GTSE1: variants seen among roughly 807,000 people sequenced by gnomAD.
GTSE1 encodes G2 and S phase-expressed protein 1.
In GTSE1, 52 loss-of-function variants were observed where a neutral mutation model predicts 60.5. The ratio of observed to expected loss-of-function variants is 0.86; its 90% CI spans 0.69 to 1.08. GTSE1 has a LOEUF of 1.08. GTSE1 is among the 50% of genes least tolerant of loss of function. GTSE1 has a pLI of 0.00. For missense variants in GTSE1, 937 were observed against 961.8 expected, an observed-to-expected ratio of 0.97 and a Z score of 0.34; for synonymous variants, 368 against 386.5, an observed-to-expected ratio of 0.95 and a Z score of 0.56.
Position 46,329,005 on chromosome 22 carries a change from G to A in GTSE1, c.1926+116G>A. 2 of 828,512 alleles carry A rather than the reference G, an allele frequency of 2.4e-6. No individual in the cohort carries two copies. Among genetic ancestry groups the A allele is most frequent in the South Asian group, 1.6e-5 (1 of 62,644 alleles). 51.3% of individuals were successfully genotyped at this position (828,512 alleles called of 1,614,324 possible). ...AGTTCCCTGCCATGCTTCATCCTGG[G>A]GCCAGTGCCTCCGTGCCAAGCAACC... On this transcript the variant is annotated intron_variant, in intron 10 of 11. Transcript: ENST00000454366. This position sits in a 1 kb window ranked among gnomAD's most constrained non-coding sequence, Gnocchi z 6.4.
rs537754208 is a variant in GTSE1, at chr22:46,310,157, A to G, written c.762+1214A>G. 6.6e-6 allele frequency among the ~76,000 whole-genome samples: 1 copy of G among 152,348 alleles called. No individual in the cohort carries two copies. The highest frequency in any genetic ancestry group is 1.9e-4 in the East Asian group (1 of 5,178). On this transcript the variant is annotated intron_variant, in intron 4 of 11. Coordinates refer to ENST00000454366, the MANE Select transcript of GTSE1 (RefSeq NM_016426.7). This position sits in a 1 kb window ranked among gnomAD's most constrained non-coding sequence, Gnocchi z 4.4. The stretch of plus-strand genomic sequence containing the variant: ...TCACTTCTAGAGTGGCTCATGGCAC[A>G]TGCTCACTCCTGTGAGGAGTCATTA...
Position 46,316,521 on chromosome 22 carries a change from C to A in GTSE1, c.1432+109C>A. ...TGATGGTGTTTTTAGTTCTTTCCTC[C>A]AACAGTGCTTTCAGGTGTGACCCGC... On this transcript the variant is annotated intron_variant, in intron 7 of 11. Coordinates refer to ENST00000454366, the MANE Select transcript of GTSE1 (RefSeq NM_016426.7). The surrounding 1 kb of genome is among the most constrained non-coding windows in gnomAD (Gnocchi z 5.0). 2 of 834,120 alleles carry A rather than the reference C, an allele frequency of 2.4e-6. No homozygotes were observed. Among genetic ancestry groups the A allele is most frequent in the Non-Finnish European group, 3.8e-6 (2 of 526,136 alleles). 51.7% of individuals were successfully genotyped at this position (834,120 alleles called of 1,614,324 possible).
intron 7 of GTSE1, among the ~76,000 whole-genome samples, chr22:46,322,542 G>C (rs746765497): frequency 2.0e-5 from 3 of 151,972 alleles, no homozygotes; most frequent in Non-Finnish European, 1.5e-5. Context: ...CATGGAGCCA[G>C]TGTCTGGGGG....
At chr22:46,315,967 C>T (rs1450280472) in intron 6 of GTSE1, 65 bp from the exon 7 acceptor site, 2 of 1,245,830 alleles carry the variant, frequency 1.6e-6, no homozygotes, top group Non-Finnish European at 1.1e-6. Context: ...AGCATAACTT[C>T]TGTGTGTTTG....
rs189538653 is a variant in GTSE1, at chr22:46,307,841, G to A, written c.80-309G>A. On this transcript the variant is annotated intron_variant, in intron 2 of 11. Coordinates refer to ENST00000454366, the MANE Select transcript of GTSE1 (RefSeq NM_016426.7). ...AAAAAAAAAAAACTGGCCAGGCATG[G>A]TGGCTCACGCCTGTAACCCCAACAC... 2.8e-3 allele frequency among the ~76,000 whole-genome samples: 420 copies of A among 152,098 alleles called. 3 individuals are homozygous for A. The highest frequency in any genetic ancestry group is 9.7e-3 in the African/African-American group (403 of 41,502).
In GTSE1 at chr22:46,329,535, A is replaced by T; in HGVS notation, c.2104A>T (p.Asn702Tyr). 6.2e-7 allele frequency: 1 copy of T among 1,614,108 alleles called. No individual in the cohort carries two copies. The highest frequency in any genetic ancestry group is 8.5e-7 in the Non-Finnish European group (1 of 1,180,002). ...LMTNTPDMNK[N>Y]VAKPSPVVGQ... is the part of the protein sequence containing the mutation. ...GACAAACACTCCAGACATGAATAAA[A>T]ATGTGGCCAAACCTTCACCGGTGGT... Residue 702 changes from asparagine to tyrosine, a missense_variant, in exon 11 of 12, where the codon AAT becomes TAT. Transcript: ENST00000454366. This position sits in a 1 kb window ranked among gnomAD's most constrained non-coding sequence, Gnocchi z 6.4.
At chr22:46,301,813 GC>G (rs2077690969) in intron 2 of GTSE1, among the ~76,000 whole-genome samples, 1 of 152,114 alleles carries the variant, frequency 6.6e-6, no homozygotes, top group Non-Finnish European at 1.5e-5. Flanking sequence ...TTTGAGTGAG[GC>G]TGAACTTCTT....
At chr22:46,328,964 G>A (rs1569049268) in intron 10 of GTSE1, 75 bp downstream of exon 10, 3 of 1,223,392 alleles carry the variant, frequency 2.5e-6, no homozygotes, top group Non-Finnish European at 3.5e-6. Flanking sequence ...GTGGAACCCA[G>A]GGCTGTGGCT....
chr22:46,308,251 T>G (rs1336214275), intron 3 of GTSE1, 44 bp downstream of exon 3: 2 of 1,604,270 alleles, frequency 1.2e-6, no homozygotes, highest in South Asian at 2.2e-5. Context: ...CATAACCACA[T>G]TCAGTAAAGT....
chr22:46,329,586 T>C lies in GTSE1; in HGVS notation c.2136+19T>C. ...GGGACAGGTGAGAAGTGGCAGGTGG[T>C]TCATGTTGACTCAGCCCTGGGTGTC... On this transcript the variant is annotated intron_variant, in intron 11 of 11. Coordinates refer to ENST00000454366, the MANE Select transcript of GTSE1 (RefSeq NM_016426.7). This position sits in a 1 kb window ranked among gnomAD's most constrained non-coding sequence, Gnocchi z 6.4. 6.3e-7 allele frequency: 1 copy of C among 1,599,726 alleles called. No individual in the cohort carries two copies. The highest frequency in any genetic ancestry group is 8.6e-7 in the Non-Finnish European group (1 of 1,167,218).
intron 2 of GTSE1, among the ~76,000 whole-genome samples, chr22:46,299,043 T>C (rs962980300): frequency 1.3e-5 from 2 of 152,262 alleles, no homozygotes; most frequent in Non-Finnish European, 1.5e-5. Context: ...GCTGCTTTCA[T>C]CAGTCGTTGA....
At chr22:46,328,169 G>A (rs1387425931) in intron 9 of GTSE1, among the ~76,000 whole-genome samples, 4 of 152,198 alleles carry the variant, frequency 2.6e-5, no homozygotes, top group East Asian at 3.8e-4. Flanking sequence ...GCCCAGCAGC[G>A]CCCGTGCAGG....
At position 46,323,336 on chromosome 22, in the gene GTSE1, G is replaced by A; in HGVS notation, c.1505+74G>A. On this transcript the variant is annotated intron_variant, in intron 8 of 11. Coordinates refer to ENST00000454366, the MANE Select transcript of GTSE1 (RefSeq NM_016426.7). ...ACGCATCTGCTTACCTCAACCATTTGGTAACCCTGCAGCCTGGCCTGCGCA... is the reference window on the plus strand; with the variant it reads ...ACGCATCTGCTTACCTCAACCATTTAGTAACCCTGCAGCCTGGCCTGCGCA... The A allele has an allele frequency of 2.6e-6, 3 of 1,161,510 alleles. No homozygotes were observed. In the South Asian group the frequency reaches 3.7e-5, roughly 14 times the overall value. 72.0% of individuals were successfully genotyped at this position (1,161,510 alleles called of 1,614,324 possible).
In GTSE1 at chr22:46,317,625, C is replaced by T. The variant is rs1209939785; in HGVS notation, c.1432+1213C>T. 6.6e-6 allele frequency among the ~76,000 whole-genome samples: 1 copy of T among 152,152 alleles called. No individual in the cohort carries two copies. Among genetic ancestry groups the T allele is most frequent in the African/African-American group, 2.4e-5 (1 of 41,432 alleles). Reference sequence around the variant, plus strand: ...CTTTTGAATGTCTGGATTTTGTTGTCTTTCTCTGAGGAGTTGGGTTGGGCT... The same window carrying T: ...CTTTTGAATGTCTGGATTTTGTTGTTTTTCTCTGAGGAGTTGGGTTGGGCT... On this transcript the variant is annotated intron_variant, in intron 7 of 11. Transcript: ENST00000454366. This position sits in a 1 kb window ranked among gnomAD's most constrained non-coding sequence, Gnocchi z 5.6.
intron 9 of GTSE1, 52 bp from the exon 10 acceptor site, chr22:46,328,636 G>A (rs1300580064): frequency 1.4e-6 from 2 of 1,422,158 alleles, no homozygotes; most frequent in East Asian, 2.3e-5. Flanking sequence ...CATCAGCCAA[G>A]TGAACGAGCA....
In GTSE1 at chr22:46,310,737, C is replaced by T. The variant is rs1028533146; in HGVS notation, c.763-1404C>T. On this transcript the variant is annotated intron_variant, in intron 4 of 11. Coordinates refer to ENST00000454366, the MANE Select transcript of GTSE1 (RefSeq NM_016426.7). This position sits in a 1 kb window ranked among gnomAD's most constrained non-coding sequence, Gnocchi z 4.4. ...TGAGGTCAGGAGTTTGAGCCCAGCC[C>T]GGCCAACATGGTGAAACCCCGTCTC... Among the ~76,000 whole-genome samples the T allele has an allele frequency of 2.8e-4, 42 of 152,222 alleles. No homozygotes were observed. Among genetic ancestry groups the T allele is most frequent in the African/African-American group, 9.1e-4 (38 of 41,540 alleles).
chr22:46,330,324 A>G lies in GTSE1; in HGVS notation c.*194A>G, dbSNP rs566102445. On this transcript the variant is annotated 3_prime_UTR_variant, in exon 12 of 12. Transcript: ENST00000454366. This position sits in a 1 kb window ranked among gnomAD's most constrained non-coding sequence, Gnocchi z 6.0. ...AGTGAAACTCCTGTCCCTACAAAAA[A>G]TACAAAAATTAGCCGGGTGTGGTAG... 2.5e-3 allele frequency: 1,332 copies of G among 528,108 alleles called. 6 individuals are homozygous for G. Among genetic ancestry groups the G allele is most frequent in the Middle Eastern group, 3.4e-3 (7 of 2,056 alleles). 32.7% of individuals were successfully genotyped at this position (528,108 alleles called of 1,614,324 possible). A position where few individuals can be genotyped will look rare whatever the true frequency, so the allele number is the denominator to read the frequency against.
rs1171920148 is a variant in GTSE1 at position 46,313,311 on chromosome 22, C to G, written c.928-579C>G. 3.3e-5 allele frequency among the ~76,000 whole-genome samples: 5 copies of G among 152,234 alleles called. No homozygotes were observed. The highest frequency in any genetic ancestry group is 1.2e-4 in the African/African-American group (5 of 41,542). ...ACTGGCAGTTCTTGTTAGAACTGCC[C>G]AAAGCTGGGCCCTGCAGCTGCTGAC... On this transcript the variant is annotated intron_variant, in intron 5 of 11. Coordinates refer to ENST00000454366, the MANE Select transcript of GTSE1 (RefSeq NM_016426.7). This position sits in a 1 kb window ranked among gnomAD's most constrained non-coding sequence, Gnocchi z 4.4.
rs989045174 is a variant in GTSE1 at position 46,309,587 on chromosome 22, T to A, written c.762+644T>A. The stretch of plus-strand genomic sequence containing the variant: ...CCCCTGGGCAGCACGTACAGAGGAA[T>A]GACCCTGGGTGGGGCTGATAGGAGG... On this transcript the variant is annotated intron_variant, in intron 4 of 11. Transcript: ENST00000454366. This position sits in a 1 kb window ranked among gnomAD's most constrained non-coding sequence, Gnocchi z 6.2. Among the ~76,000 whole-genome samples the A allele has an allele frequency of 6.6e-6, 1 of 152,096 alleles. No homozygotes were observed. The highest frequency in any genetic ancestry group is 2.4e-5 in the African/African-American group (1 of 41,420).
Sources: gnomAD v4.1 joint callset for allele counts (sites outside exome capture counted in the v4.1 genomes callset) on GRCh38, gnomAD v4.1.1 for gene constraint, Gnocchi (gnomAD v3.1) non-coding constraint, MANE v1.5 for transcripts, NCBI Gene and HGNC (gene_info 2026-07-23, HGNC 2026-07-21) for gene names.